Variants in SPIRE1 observed in about 807,000 individuals in gnomAD.
SPIRE1 encodes the protein spire type actin nucleation factor 1.
In SPIRE1, 40 loss-of-function variants were observed where a neutral mutation model predicts 94.1. That is an observed-to-expected ratio of 0.43 (90% CI 0.33 to 0.55). The LOEUF (loss-of-function observed/expected upper bound fraction) is 0.55. Among genes scored for constraint, SPIRE1 ranks in the 20% least tolerant of loss-of-function variants. SPIRE1 has a pLI of 0.06. For missense variants in SPIRE1, 838 were observed against 975.2 expected, an observed-to-expected ratio of 0.86 and a Z score of 1.87; for synonymous variants, 376 against 371.7, an observed-to-expected ratio of 1.01 and a Z score of -0.13.
chr18:12,615,345 A>AAAAAAAAAAAAATATATATAT, intron 2 of SPIRE1, among the ~76,000 whole-genome samples: 2 of 17,242 alleles, frequency 1.2e-4, no homozygotes, highest in Non-Finnish European at 3.7e-4. Context: ...AAAAAAAAAA[A>AAAAAAAAAAAAATATATATAT]ATATATATAT....
intron 2 of SPIRE1, among the ~76,000 whole-genome samples, chr18:12,618,881 A>G (rs2037384780): frequency 7.6e-6 from 1 of 131,052 alleles, no homozygotes; most frequent in Non-Finnish European, 1.7e-5. Flanking sequence ...GAGCCCCACA[A>G]AAACAATTTT....
chr18:12,483,216 T>C (rs2032907529), intron 9 of SPIRE1, among the ~76,000 whole-genome samples: 1 of 152,188 alleles, frequency 6.6e-6, no homozygotes, highest in African/African-American at 2.4e-5. Flanking sequence ...CACCTTAGCC[T>C]CCCAAAGTGC....
At position 12,559,222 on chromosome 18, in the gene SPIRE1, G is replaced by A. The variant is rs112785021; in HGVS notation, c.373-12318C>T. Among the ~76,000 whole-genome samples the A allele has an allele frequency of 0.078, 11,867 of 151,650 alleles. 653 individuals carry two copies. The highest frequency in any genetic ancestry group is 0.16 in the Middle Eastern group (45 of 288). ...GCCGGCATGGCAGGCTGCAGGTCCCGAGCCCTGCCCCGCAGGGAGGCAGCT... is the reference window on the plus strand; with the variant it reads ...GCCGGCATGGCAGGCTGCAGGTCCCAAGCCCTGCCCCGCAGGGAGGCAGCT... On this transcript the variant is annotated intron_variant, in intron 2 of 16. Transcript: ENST00000409402. This position sits in a 1 kb window ranked among gnomAD's most constrained non-coding sequence, Gnocchi z 4.7.
chr18:12,615,046 T>G (rs1026012172), intron 2 of SPIRE1, among the ~76,000 whole-genome samples: 1 of 149,054 alleles, frequency 6.7e-6, no homozygotes, highest in African/African-American at 2.5e-5. Context: ...AAAAATTGGC[T>G]CGGAGCGGTA....
intron 1 of SPIRE1, among the ~76,000 whole-genome samples, chr18:12,641,978 C>G (rs1053892454): frequency 6.1e-4 from 92 of 151,602 alleles, no homozygotes; most frequent in African/African-American, 2.2e-3. Context: ...ACTACAGGCA[C>G]GCACCACCAC....
chr18:12,584,535 G>C (rs2036341489), intron 2 of SPIRE1, among the ~76,000 whole-genome samples: 1 of 152,014 alleles, frequency 6.6e-6, no homozygotes, highest in African/African-American at 2.4e-5. Flanking sequence ...AAATAATATA[G>C]TCTCAAAATT....
intron 2 of SPIRE1, among the ~76,000 whole-genome samples, chr18:12,633,082 G>A (rs1053312905): frequency 6.6e-6 from 1 of 151,996 alleles, no homozygotes; most frequent in South Asian, 2.1e-4. Context: ...TTATAGATAA[G>A]AAAGACAAAG....
At chr18:12,626,522 C>T (rs922783725) in intron 2 of SPIRE1, among the ~76,000 whole-genome samples, 3 of 152,068 alleles carry the variant, frequency 2.0e-5, no homozygotes, top group African/African-American at 2.4e-5. Context: ...GGACTATATC[C>T]GTTGGCTATA....
intron 4 of SPIRE1, among the ~76,000 whole-genome samples, chr18:12,516,893 G>C (rs2034212197): frequency 6.6e-6 from 1 of 152,180 alleles, no homozygotes; most frequent in Non-Finnish European, 1.5e-5. Context: ...TATTTGTGCT[G>C]TGATCAAATC....
chr18:12,591,122 G>T (rs2036522724), intron 2 of SPIRE1, among the ~76,000 whole-genome samples: 1 of 152,188 alleles, frequency 6.6e-6, no homozygotes, highest in Non-Finnish European at 1.5e-5. Flanking sequence ...TAGGGTAGTA[G>T]TTTGCAGTTT....
At chr18:12,658,342 T>G, upstream of SPIRE1, 1 of 425,416 alleles carries the variant, frequency 2.4e-6, no homozygotes, top group Non-Finnish European at 4.7e-6. Context: ...GGGGGCGCAA[T>G]GGTGAGGGCG....
At chr18:12,604,522 T>C (rs1007666555) in intron 2 of SPIRE1, among the ~76,000 whole-genome samples, 1 of 152,134 alleles carries the variant, frequency 6.6e-6, no homozygotes, top group South Asian at 2.1e-4. Context: ...GATCTGCAAA[T>C]AGAAAAGGCC....
chr18:12,641,596 T>TGACCTCATGATCC (rs1404722862), intron 1 of SPIRE1, among the ~76,000 whole-genome samples: 1 of 151,772 alleles, frequency 6.6e-6, no homozygotes, highest in Non-Finnish European at 1.5e-5. Context: ...CTTGATCTCT[T>TGACCTCATGATCC]GACCTCATGA....
At chr18:12,522,595 T>C (rs1179725015) in intron 4 of SPIRE1, among the ~76,000 whole-genome samples, 3 of 152,214 alleles carry the variant, frequency 2.0e-5, no homozygotes, top group Non-Finnish European at 4.4e-5. Flanking sequence ...GGGACTTTCA[T>C]AGCTAGAGAG....
chr18:12,449,669 C>A lies in SPIRE1; in HGVS notation c.2240G>T (p.Cys747Phe), dbSNP rs1431857139. 1.9e-6 allele frequency: 3 copies of A among 1,614,114 alleles called. No individual in the cohort carries two copies. In the Admixed American group the frequency reaches 5.0e-5, roughly 27 times the overall value. The change falls in exon 17 of 17, where the codon TGC (cysteine) becomes TTC (phenylalanine). Residue 747 changes from cysteine to phenylalanine, a missense_variant. Cys to Phe is a radical substitution (Grantham distance 205, BLOSUM62 -2). Transcript: ENST00000409402. ...YMSSPGPSEYCPSERTISEI is the reference protein window; with the variant it reads ...YMSSPGPSEYFPSERTISEI ...CTCACTGATCGTCCTCTCTGAAGGG[C>A]AGTACTCCGAGGGGCCTGGCGAGGA...
chr18:12,604,177 C>T (rs539877719), intron 2 of SPIRE1, among the ~76,000 whole-genome samples: 1 of 152,264 alleles, frequency 6.6e-6, no homozygotes, highest in South Asian at 2.1e-4. Context: ...TAGGGGGAAC[C>T]CCAATTTAGA....
chr18:12,553,675 G>A (rs1395106615), intron 2 of SPIRE1, among the ~76,000 whole-genome samples: 3 of 152,088 alleles, frequency 2.0e-5, no homozygotes, highest in Admixed American at 2.0e-4. Flanking sequence ...TTGCTGCCCT[G>A]AAGGGAAGGA....
rs1319343153 is a variant in SPIRE1 at position 12,559,528 on chromosome 18, G to A, written c.373-12624C>T. 6.6e-6 allele frequency among the ~76,000 whole-genome samples: 1 copy of A among 152,144 alleles called. No individual in the cohort carries two copies. The highest frequency in any genetic ancestry group is 1.5e-5 in the Non-Finnish European group (1 of 68,020). Reference sequence around the variant, plus strand: ...TCCGGCTTTGGCCAGCCCAGAGAGGGGCTCCCACGGTGCAGCAGCAGGCTG... The same window carrying A: ...TCCGGCTTTGGCCAGCCCAGAGAGGAGCTCCCACGGTGCAGCAGCAGGCTG... On this transcript the variant is annotated intron_variant, in intron 2 of 16. Transcript: ENST00000409402. This position sits in a 1 kb window ranked among gnomAD's most constrained non-coding sequence, Gnocchi z 4.7.
At chr18:12,604,011 C>G (rs1047552039) in intron 2 of SPIRE1, among the ~76,000 whole-genome samples, 4 of 152,042 alleles carry the variant, frequency 2.6e-5, no homozygotes, top group African/African-American at 7.3e-5. Flanking sequence ...CTGTACTGGG[C>G]ACAGGAGCTC....
Sources: gnomAD v4.1 joint callset for allele counts (sites outside exome capture counted in the v4.1 genomes callset) on GRCh38, gnomAD v4.1.1 for gene constraint, Gnocchi (gnomAD v3.1) non-coding constraint, MANE v1.5 for transcripts, NCBI Gene and HGNC (gene_info 2026-07-23, HGNC 2026-07-21) for gene names.